PABPC4L: variants seen among roughly 807,000 people sequenced by gnomAD.
The protein encoded by PABPC4L is poly(A) binding protein cytoplasmic 4 like.
For synonymous variants in PABPC4L, 169 were observed against 164.1 expected (o/e 1.03, Z -0.23); for missense variants, 452 against 451.4 (o/e 1.00, Z -0.01).
the PABPC4L span, among the ~76,000 whole-genome samples, chr4:134,001,422 A>T: frequency 1.3e-5 from 2 of 152,218 alleles, no homozygotes; most frequent in Admixed American, 6.5e-5. Context: ...AATTAGTCAG[A>T]TGGTATTCAT....
At chr4:134,153,520 C>T in the PABPC4L span, among the ~76,000 whole-genome samples, 86 of 152,120 alleles carry the variant, frequency 5.7e-4, no homozygotes, top group South Asian at 9.5e-3. Context: ...TAATTGTTCA[C>T]GTGATATTAT....
the PABPC4L span, among the ~76,000 whole-genome samples, chr4:133,962,796 C>T: frequency 2.8e-4 from 42 of 152,266 alleles, no homozygotes; most frequent in African/African-American, 3.8e-4. Context: ...TTCACACAAA[C>T]AAATGCTGAG....
the PABPC4L span, among the ~76,000 whole-genome samples, chr4:133,972,535 C>T: frequency 6.6e-6 from 1 of 152,070 alleles, no homozygotes; most frequent in Non-Finnish European, 1.5e-5. Context: ...AGCGACTTTA[C>T]TCAAGATTAT....
At chr4:133,960,120 T>C in the PABPC4L span, among the ~76,000 whole-genome samples, 2 of 152,136 alleles carry the variant, frequency 1.3e-5, no homozygotes, top group African/African-American at 2.4e-5. Context: ...ATGCAGAGAT[T>C]CGCATTGTGA....
the PABPC4L span, among the ~76,000 whole-genome samples, chr4:133,955,491 T>G: frequency 6.6e-6 from 1 of 152,270 alleles, no homozygotes; most frequent in African/African-American, 2.4e-5. Context: ...AGATACTTCT[T>G]TTATGAATTT....
chr4:134,096,125 T>C, the PABPC4L span, among the ~76,000 whole-genome samples: 1 of 152,038 alleles, frequency 6.6e-6, no homozygotes, highest in Non-Finnish European at 1.5e-5. Flanking sequence ...CAGTGTTCAA[T>C]GCATTTTAAA....
the PABPC4L span, among the ~76,000 whole-genome samples, chr4:134,144,359 C>A: frequency 1.3e-5 from 2 of 151,514 alleles, no homozygotes; most frequent in Non-Finnish European, 3.0e-5. Flanking sequence ...TTTCAATAGG[C>A]AAACACATCT....
the PABPC4L span, among the ~76,000 whole-genome samples, chr4:134,009,760 A>C: frequency 6.6e-6 from 1 of 152,020 alleles, no homozygotes; most frequent in African/African-American, 2.4e-5. Context: ...TGAATTGTGC[A>C]AAAAATCCTG....
chr4:134,008,977 G>T, the PABPC4L span, among the ~76,000 whole-genome samples: 1 of 151,670 alleles, frequency 6.6e-6, no homozygotes, highest in Non-Finnish European at 1.5e-5. Context: ...TAAACATAGA[G>T]ATATAAAATT....
At chr4:134,049,939 T>C in the PABPC4L span, among the ~76,000 whole-genome samples, 1 of 152,146 alleles carries the variant, frequency 6.6e-6, no homozygotes, top group Non-Finnish European at 1.5e-5. Context: ...CCTAGTATTC[T>C]GAAAATTAAT....
the PABPC4L span, among the ~76,000 whole-genome samples, chr4:134,147,077 A>C: frequency 1.3e-5 from 2 of 152,272 alleles, no homozygotes; most frequent in Admixed American, 6.5e-5. Flanking sequence ...GGAAAGCATT[A>C]TCATAACAAA....
the PABPC4L span, among the ~76,000 whole-genome samples, chr4:133,951,536 G>T: frequency 6.6e-6 from 1 of 152,090 alleles, no homozygotes; most frequent in Non-Finnish European, 1.5e-5. Flanking sequence ...ACACATTTGG[G>T]CCACCCTTTA....
the PABPC4L span, among the ~76,000 whole-genome samples, chr4:134,175,261 T>A: frequency 6.6e-6 from 1 of 152,028 alleles, no homozygotes; most frequent in Non-Finnish European, 1.5e-5. Context: ...GTTTGAAGAG[T>A]TGTGAGATGT....
At position 134,200,046 on chromosome 4, in the gene PABPC4L, A is replaced by G. The variant is rs1431675565; in HGVS notation, c.974T>C (p.Met325Thr). ...CCCTTTGCTCTGCCCCTCTTCCTGC[A>G]TTACCTTAACTCTGCTAATTGATCC... Reference protein sequence around the residue: ...SFGSISRVKVMQEEGQSKGFG... With the variant: ...SFGSISRVKVTQEEGQSKGFG... The change falls in exon 2 of 2, where the codon ATG (methionine) becomes ACG (threonine). Residue 325 changes from methionine to threonine, a missense_variant. Met to Thr is a moderately conservative substitution (Grantham distance 81, BLOSUM62 -1). Coordinates refer to ENST00000421491, the MANE Select transcript of PABPC4L (RefSeq NM_001114734.2). 1.3e-6 allele frequency: 2 copies of G among 1,551,560 alleles called. No individual in the cohort carries two copies. The highest frequency in any genetic ancestry group is 1.7e-6 in the Non-Finnish European group (2 of 1,146,982).
the PABPC4L span, among the ~76,000 whole-genome samples, chr4:134,074,202 G>T: frequency 6.6e-6 from 1 of 152,076 alleles, no homozygotes; most frequent in Non-Finnish European, 1.5e-5. Flanking sequence ...TCTTCTGCTG[G>T]ATACCCTAAA....
At chr4:134,153,728 G>A in the PABPC4L span, among the ~76,000 whole-genome samples, 1 of 151,114 alleles carries the variant, frequency 6.6e-6, no homozygotes, top group Non-Finnish European at 1.5e-5. Flanking sequence ...GCTCAAAGCA[G>A]CCTTGAACTC....
At chr4:134,135,044 T>C in the PABPC4L span, among the ~76,000 whole-genome samples, 5 of 152,118 alleles carry the variant, frequency 3.3e-5, no homozygotes, top group East Asian at 1.9e-4. Context: ...AGCGAATTAA[T>C]ACATATACTA....
chr4:134,120,485 T>C, the PABPC4L span, among the ~76,000 whole-genome samples: 2 of 150,620 alleles, frequency 1.3e-5, no homozygotes, highest in African/African-American at 4.8e-5. Context: ...CTTCTTCTTG[T>C]ATGTCCTTCC....
At chr4:133,985,835 C>T in the PABPC4L span, among the ~76,000 whole-genome samples, 18 of 152,058 alleles carry the variant, frequency 1.2e-4, no homozygotes, top group African/African-American at 4.3e-4. Flanking sequence ...AATTTCTTAT[C>T]ATGAATGTAC....
Sources: allele counts gnomAD v4.1 joint callset (sites outside exome capture counted in the v4.1 genomes callset), GRCh38; gene constraint gnomAD v4.1.1; transcripts MANE v1.5; gene names NCBI Gene and HGNC (gene_info 2026-07-23, HGNC 2026-07-21).